The following AFAP1L2 variants were observed in gnomAD, a reference collection of about 807,000 sequenced individuals.
AFAP1L2 encodes actin filament-associated protein 1-like 2.
AFAP1L2 carries 46 observed loss-of-function variants against 99.3 expected under a neutral mutation model. That is an observed-to-expected ratio of 0.46 (90% CI 0.37 to 0.59). The LOEUF is 0.59. Ranked by LOEUF, AFAP1L2 falls within the 20% of genes least tolerant of loss-of-function variation. The pLI is 0.00. For missense variants in AFAP1L2, 959 were observed against 1,034.9 expected, an observed-to-expected ratio of 0.93 and a Z score of 1.01; for synonymous variants, 397 against 419.1, an observed-to-expected ratio of 0.95 and a Z score of 0.64.
rs1249383934 is a variant in AFAP1L2, at chr10:114,363,086, T to C, written c.17-22355A>G. Reference sequence around the variant, plus strand: ...GGGTCGGCCCCTCACTTGGTGACAGTGGGATCCGAGCCTCTCAGCACTGGG... The same window carrying C: ...GGGTCGGCCCCTCACTTGGTGACAGCGGGATCCGAGCCTCTCAGCACTGGG... On this transcript the variant is annotated intron_variant, in intron 1 of 18. Transcript: ENST00000304129. The C allele has an allele frequency of 3.0e-6, 3 of 985,216 alleles. No individual in the cohort carries two copies. The African/African-American group carries it at 5.2e-5, about 17-fold the overall frequency. The allele number at this position is 985,216 out of a possible 1,614,324, so 61.0% of individuals were successfully genotyped here.
chr10:114,341,011 C>T (rs563165845), intron 1 of AFAP1L2, among the ~76,000 whole-genome samples: 60 of 152,350 alleles, frequency 3.9e-4, no homozygotes, highest in African/African-American at 1.3e-3. Flanking sequence ...ACGGCCTCGT[C>T]GGCCAACTTT....
intron 18 of AFAP1L2, chr10:114,296,622 T>C (rs2133871620): frequency 3.9e-6 from 1 of 255,290 alleles, no homozygotes; most frequent in East Asian, 9.0e-5. Flanking sequence ...GTTTTAATGG[T>C]AGAAGTCCTG....
chr10:114,328,980 A>G (rs79803093), intron 4 of AFAP1L2, among the ~76,000 whole-genome samples: 1,568 of 152,332 alleles, frequency 0.01, 8 homozygotes, highest in Middle Eastern at 0.014. Flanking sequence ...CCTTCACAGC[A>G]GAGAAAGTCC....
chr10:114,404,421 GAGGA>G lies in AFAP1L2; in HGVS notation c.16+15_16+18del, dbSNP rs2058533574. On this transcript the variant is annotated intron_variant, in intron 1 of 18. Coordinates refer to ENST00000304129, the MANE Select transcript of AFAP1L2 (RefSeq NM_001001936.3). ...GAAAGGGAGTGGGTGTGCGCCGCGC[GAGGA>G]ACCCGCGCCCTCACCTTTGTACCGC... 6.5e-7 allele frequency: 1 copy of G among 1,542,242 alleles called. No homozygotes were observed. Among genetic ancestry groups the G allele is most frequent in the Non-Finnish European group, 8.7e-7 (1 of 1,145,784 alleles).
chr10:114,362,817 A>G (rs1360223537), intron 1 of AFAP1L2: 19 of 579,076 alleles, frequency 3.3e-5, no homozygotes, highest in Non-Finnish European at 4.1e-5. Flanking sequence ...AAAAAATCTG[A>G]TTTTCCACTG....
intron 11 of AFAP1L2, among the ~76,000 whole-genome samples, chr10:114,303,030 A>G (rs2041498296): frequency 6.6e-6 from 1 of 151,940 alleles, no homozygotes; most frequent in Non-Finnish European, 1.5e-5. Flanking sequence ...CTGCTAAATC[A>G]TCATCAAAAT....
intron 1 of AFAP1L2, chr10:114,362,958 C>T (rs2052653539): frequency 1.1e-5 from 11 of 985,238 alleles, no homozygotes; most frequent in Admixed American, 6.2e-5. Context: ...GAAAAGCTGA[C>T]GCACAGTGGG....
downstream of AFAP1L2, among the ~76,000 whole-genome samples, chr10:114,294,324 TATATTC>T (rs2039871205): frequency 1.3e-5 from 2 of 152,220 alleles, no homozygotes; most frequent in Admixed American, 1.3e-4. Context: ...TTTACACTGA[TATATTC>T]ATAGTATTTT....
At chr10:114,359,651 G>A (rs548867085) in intron 1 of AFAP1L2, among the ~76,000 whole-genome samples, 2 of 152,324 alleles carry the variant, frequency 1.3e-5, no homozygotes, top group Admixed American at 1.3e-4. Flanking sequence ...CTGGATTTTA[G>A]GCTTCAAACA....
rs2041851454 is a variant in AFAP1L2 at position 114,304,846 on chromosome 10, C to T, written c.1157G>A (p.Arg386Gln). 3 of 1,613,486 alleles carry T rather than the reference C, an allele frequency of 1.9e-6. No homozygotes were observed. Among genetic ancestry groups the T allele is most frequent in the East Asian group, 4.5e-5 (2 of 44,864 alleles). Reference sequence around the variant, plus strand: ...TTGCTGGGCCACCTTGCTCCGGTTCCGGTCCTGGTAGAAGTGCAGGTGATT... The same window carrying T: ...TTGCTGGGCCACCTTGCTCCGGTTCTGGTCCTGGTAGAAGTGCAGGTGATT... Reference protein sequence around the residue: ...RDNHLHFYQDRNRSKVAQQPL... With the variant: ...RDNHLHFYQDQNRSKVAQQPL... Residue 386 changes from arginine (R) to glutamine (Q), a missense_variant, in exon 11 of 19, where the codon CGG (arginine) becomes CAG (glutamine). By Grantham distance (43) the Arg-to-Gln change is conservative. Coordinates refer to ENST00000304129, the MANE Select transcript of AFAP1L2 (RefSeq NM_001001936.3).
chr10:114,305,001 GGC>G, intron 10 of AFAP1L2, 71 bp from the exon 11 acceptor site: 1 of 1,187,156 alleles, frequency 8.4e-7, no homozygotes, highest in South Asian at 1.4e-5. Context: ...GAGGGGGCGG[GGC>G]TTCGGGAGGG....
chr10:114,320,241 C>T (rs1487605591), intron 5 of AFAP1L2, among the ~76,000 whole-genome samples: 2 of 152,194 alleles, frequency 1.3e-5, no homozygotes, highest in African/African-American at 4.8e-5. Flanking sequence ...CAGCAGGGCA[C>T]TTATTACACA....
chr10:114,318,911 T>C (rs889007571), intron 5 of AFAP1L2, among the ~76,000 whole-genome samples: 1 of 152,022 alleles, frequency 6.6e-6, no homozygotes, highest in African/African-American at 2.4e-5. Flanking sequence ...TCCAGTACTT[T>C]GGAAGGCTGA....
chr10:114,282,442 G>A, the AFAP1L2 span: 3 of 1,222,402 alleles, frequency 2.5e-6, no homozygotes, highest in Non-Finnish European at 3.6e-6. Flanking sequence ...TTTTGGTGTT[G>A]TAAATCATCT....
chr10:114,313,490 G>T (rs1473420422), intron 7 of AFAP1L2, among the ~76,000 whole-genome samples: 1 of 152,104 alleles, frequency 6.6e-6, no homozygotes, highest in Non-Finnish European at 1.5e-5. Flanking sequence ...CTGTAAAATG[G>T]GGACATGAAC....
At chr10:114,283,576 C>T in the AFAP1L2 span, among the ~76,000 whole-genome samples, 1 of 152,210 alleles carries the variant, frequency 6.6e-6, no homozygotes, top group African/African-American at 2.4e-5. Flanking sequence ...AAATGGCTTT[C>T]AGTCCCAGCT....
intron 1 of AFAP1L2, among the ~76,000 whole-genome samples, chr10:114,353,560 T>C (rs1409099244): frequency 1.3e-5 from 2 of 152,204 alleles, no homozygotes; most frequent in Non-Finnish European, 2.9e-5. Flanking sequence ...TCCACCAGGG[T>C]CACACAGCAA....
chr10:114,292,297 T>C (rs999710273), downstream of AFAP1L2, among the ~76,000 whole-genome samples: 7 of 151,758 alleles, frequency 4.6e-5, no homozygotes, highest in Admixed American at 6.6e-5. Context: ...AAAATGTACT[T>C]AGGAGGGGTT....
At chr10:114,356,719 A>G (rs1157790561) in intron 1 of AFAP1L2, among the ~76,000 whole-genome samples, 1 of 152,240 alleles carries the variant, frequency 6.6e-6, no homozygotes, top group Admixed American at 6.5e-5. Context: ...CAAATTTCCT[A>G]TTCCTGCCCA....
Sources: gnomAD v4.1 joint callset for allele counts (sites outside exome capture counted in the v4.1 genomes callset) on GRCh38, gnomAD v4.1.1 for gene constraint, MANE v1.5 for transcripts, NCBI Gene and HGNC (gene_info 2026-07-23, HGNC 2026-07-21) for gene names.